Variants in SGCG observed in about 807,000 individuals in gnomAD.
SGCG encodes gamma-sarcoglycan.
A neutral mutation model predicts 29.3 loss-of-function variants in SGCG; 26 were observed. The observed-to-expected ratio is 0.89, with a 90% CI of 0.65 to 1.23. SGCG has a LOEUF of 1.23. Among genes scored for constraint, SGCG ranks in the 50% most tolerant of loss-of-function variants. The pLI is 0.00. For synonymous variants in SGCG, 145 were observed against 129.7 expected (o/e 1.12, Z -0.80); for missense variants, 353 against 356.0 (o/e 0.99, Z 0.07).
chr13:23,276,431 C>CTTTGTTT (rs1555242841), intron 4 of SGCG, among the ~76,000 whole-genome samples: 1 of 102,338 alleles, frequency 9.8e-6, no homozygotes, highest in African/African-American at 3.5e-5. Context: ...TTTTAGTTTT[C>CTTTGTTT]TTTTTTTTTT....
intron 2 of SGCG, among the ~76,000 whole-genome samples, chr13:23,230,106 TA>T (rs1247087249): frequency 6.6e-6 from 1 of 152,206 alleles, no homozygotes; most frequent in Non-Finnish European, 1.5e-5. Context: ...TGTGTGGCCT[TA>T]TTTCTGGGCT....
chr13:23,268,640 T>A (rs1347855638), intron 4 of SGCG: 1 of 152,344 alleles, frequency 6.6e-6, no homozygotes, highest in Admixed American at 6.6e-5. Flanking sequence ...TGGGTTGACG[T>A]GTGTCACTCT....
At chr13:23,273,057 A>C (rs924954961) in intron 4 of SGCG, among the ~76,000 whole-genome samples, 1 of 152,084 alleles carries the variant, frequency 6.6e-6, no homozygotes, top group Admixed American at 6.5e-5. Flanking sequence ...ATTTTGATTT[A>C]TTAGATCTCT....
chr13:23,220,339 A>C (rs1239832824), intron 2 of SGCG, among the ~76,000 whole-genome samples: 1 of 152,230 alleles, frequency 6.6e-6, no homozygotes, highest in Non-Finnish European at 1.5e-5. Context: ...AATCCCAGCT[A>C]CTTGAGAGGT....
At chr13:23,201,543 G>A (rs1397492620) in intron 1 of SGCG, among the ~76,000 whole-genome samples, 1 of 152,066 alleles carries the variant, frequency 6.6e-6, no homozygotes, top group Non-Finnish European at 1.5e-5. Context: ...CAAGGAACGT[G>A]GGCAGCTTCT....
the SGCG span, among the ~76,000 whole-genome samples, chr13:23,165,888 A>G: frequency 6.6e-6 from 1 of 151,958 alleles, no homozygotes; most frequent in Non-Finnish European, 1.5e-5. Context: ...TTATATATAA[A>G]CTTTGTATCT....
chr13:23,279,223 A>G (rs1881207007), intron 4 of SGCG, 136 bp from the exon 5 acceptor site: 1 of 771,180 alleles, frequency 1.3e-6, no homozygotes, highest in Non-Finnish European at 2.1e-6. Flanking sequence ...CACAGAATCA[A>G]TCAATACCAC....
chr13:23,219,861 T>C (rs1878588572), intron 2 of SGCG, among the ~76,000 whole-genome samples: 1 of 138,926 alleles, frequency 7.2e-6, no homozygotes, highest in South Asian at 2.5e-4. Context: ...AGACGGAGTC[T>C]CGCTCTGTCG....
chr13:23,256,745 A>C (rs1880196042), intron 4 of SGCG, among the ~76,000 whole-genome samples: 1 of 152,226 alleles, frequency 6.6e-6, no homozygotes, highest in African/African-American at 2.4e-5. Context: ...TCCATGGTGT[A>C]TATGTGCCAC....
chr13:23,277,697 C>CTT lies in SGCG; in HGVS notation c.386-1645_386-1644dup, dbSNP rs879580838. Among the ~76,000 whole-genome samples the CTT allele has an allele frequency of 2.4e-3, 326 of 135,346 alleles. 2 individuals are homozygous for CTT. Among genetic ancestry groups the CTT allele is most frequent in the African/African-American group, 3.1e-3 (112 of 36,612 alleles). 88.8% of individuals were successfully genotyped at this position (135,346 alleles called of 152,430 possible). On this transcript the variant is annotated intron_variant, in intron 4 of 7. Coordinates refer to ENST00000218867, the MANE Select transcript of SGCG (RefSeq NM_000231.3). The stretch of plus-strand genomic sequence containing the variant: ...ACATATGACTTATTTTCTCAACTTC[C>CTT]TTTTTTTTTTTTTTTTTTGGAGAGG...
chr13:23,278,854 C>T (rs1190624867), intron 4 of SGCG, among the ~76,000 whole-genome samples: 2 of 152,172 alleles, frequency 1.3e-5, no homozygotes. Context: ...CACAGTGATG[C>T]CTGTTTTCCC....
At chr13:23,295,347 A>G in intron 5 of SGCG, 68 bp from the exon 6 acceptor site, 1 of 1,202,724 alleles carries the variant, frequency 8.3e-7, no homozygotes, top group South Asian at 1.2e-5. Context: ...TATCTAGGCT[A>G]AATGTTTATT....
chr13:23,179,210 A>G (rs1247559487), upstream of SGCG, among the ~76,000 whole-genome samples: 2 of 152,150 alleles, frequency 1.3e-5, no homozygotes, highest in African/African-American at 4.8e-5. Flanking sequence ...TGAGTTACAA[A>G]CTTAAGCTGC....
the SGCG span, among the ~76,000 whole-genome samples, chr13:23,165,856 C>T: frequency 3.9e-4 from 60 of 152,202 alleles, 1 homozygote; most frequent in African/African-American, 1.4e-3. Flanking sequence ...TCATTGCTGG[C>T]ATTTATTAAA....
chr13:23,310,267 T>C (rs763832446), intron 6 of SGCG, among the ~76,000 whole-genome samples: 6 of 151,914 alleles, frequency 3.9e-5, no homozygotes, highest in Non-Finnish European at 7.4e-5. Context: ...TTTGTATTTT[T>C]AGTAGAGACG....
chr13:23,212,750 C>T (rs1674683258), intron 2 of SGCG, among the ~76,000 whole-genome samples: 2 of 152,096 alleles, frequency 1.3e-5, no homozygotes, highest in Admixed American at 1.3e-4. Flanking sequence ...TAAGCTGCTT[C>T]CCAAGAGAGG....
chr13:23,288,265 G>T (rs1290391807), intron 5 of SGCG, among the ~76,000 whole-genome samples: 2 of 152,116 alleles, frequency 1.3e-5, no homozygotes, highest in South Asian at 4.1e-4. Context: ...CTGAGGACTG[G>T]AAAGAAAATC....
intron 3 of SGCG, among the ~76,000 whole-genome samples, chr13:23,235,312 T>C (rs1477714550): frequency 6.9e-6 from 1 of 145,802 alleles, no homozygotes; most frequent in African/African-American, 2.7e-5. Context: ...TGAGCCCAGA[T>C]AGCGCCACTG....
intron 3 of SGCG, among the ~76,000 whole-genome samples, chr13:23,238,288 G>A (rs1288925039): frequency 6.6e-6 from 1 of 152,154 alleles, no homozygotes; most frequent in East Asian, 1.9e-4. Flanking sequence ...TGCAGAGGAG[G>A]GGCTTGCTGC....
Sources: allele counts gnomAD v4.1 joint callset (sites outside exome capture counted in the v4.1 genomes callset), GRCh38; gene constraint gnomAD v4.1.1; transcripts MANE v1.5; gene names NCBI Gene and HGNC (gene_info 2026-07-23, HGNC 2026-07-21).